The following MSH3 variants were observed in gnomAD, a reference collection of about 807,000 sequenced individuals.
The protein encoded by MSH3 is DNA mismatch repair protein Msh3.
A neutral mutation model predicts 123.3 loss-of-function variants in MSH3; 106 were observed. The observed-to-expected ratio is 0.86, with a 90% CI of 0.73 to 1.01. The LOEUF is 1.01. Among genes scored for constraint, MSH3 ranks in the 50% least tolerant of loss-of-function variants. The pLI is 0.00. For synonymous variants in MSH3, 515 were observed against 481.4 expected (o/e 1.07, Z -0.91); for missense variants, 1,459 against 1,347.6 (o/e 1.08, Z -1.29).
At chr5:80,706,319 G>A (rs185565750) in intron 8 of MSH3, among the ~76,000 whole-genome samples, 2 of 152,230 alleles carry the variant, frequency 1.3e-5, no homozygotes, top group Non-Finnish European at 1.5e-5. Flanking sequence ...TCTTGATTTT[G>A]TGTCAGTGGC....
At chr5:80,782,097 T>C (rs1487029942) in intron 17 of MSH3, among the ~76,000 whole-genome samples, 3 of 152,186 alleles carry the variant, frequency 2.0e-5, no homozygotes, top group Admixed American at 6.5e-5. Flanking sequence ...TTATTGGCCA[T>C]GTGTATATCT....
rs972547684 is a variant in MSH3 at position 80,654,862 on chromosome 5, C to A, written c.135C>A (p.Asp45Glu). ...CCTCCTCCTCCACAGGTGCAGCCGA[C>A]CAGGTGGACCCTGGCGCTGCAGCGG... ...KSTSSSTGAA[D>E]QVDPGAAAAA... The change falls in exon 1 of 24, where the codon GAC becomes GAA. Residue 45 changes from aspartate to glutamate, a missense_variant. Transcript: ENST00000265081. 1 of 1,599,648 alleles carries A rather than the reference C, an allele frequency of 6.3e-7. No individual in the cohort carries two copies. The highest frequency in any genetic ancestry group is 1.1e-5 in the South Asian group (1 of 90,250).
chr5:80,728,440 C>G (rs956074887), intron 9 of MSH3, among the ~76,000 whole-genome samples: 2 of 152,132 alleles, frequency 1.3e-5, no homozygotes, highest in Non-Finnish European at 2.9e-5. Context: ...TATTTAAGTA[C>G]TACGCTGTTA....
At chr5:80,751,699 T>TA (rs1042805925) in intron 12 of MSH3, among the ~76,000 whole-genome samples, 10 of 152,228 alleles carry the variant, frequency 6.6e-5, no homozygotes, top group African/African-American at 2.4e-4. Context: ...GGTCTACCCT[T>TA]ACTGCAGAAT....
At position 80,767,889 on chromosome 5, in the gene MSH3, T is replaced by C. The variant is rs762287403; in HGVS notation, c.1897-44T>C. On this transcript the variant is annotated intron_variant, in intron 13 of 23. Transcript: ENST00000265081. ...AAAAGTCACTAATTAAACTTCATTT[T>C]CATGTATCTTATGCTATTTCATAAA... 1.2e-5 allele frequency: 17 copies of C among 1,454,024 alleles called. No homozygotes were observed. The highest frequency in any genetic ancestry group is 1.6e-5 in the Non-Finnish European group (17 of 1,038,534). The allele number at this position is 1,454,024 out of a possible 1,614,324, so 90.1% of individuals were successfully genotyped here. A position where few individuals can be genotyped will look rare whatever the true frequency, so the allele number is the denominator to read the frequency against.
rs1745049937 is a variant in MSH3 at position 80,813,711 on chromosome 5, C to T, written c.2783C>T (p.Thr928Ile). 6.2e-7 allele frequency: 1 copy of T among 1,614,116 alleles called. No homozygotes were observed. Among genetic ancestry groups the T allele is most frequent in the Non-Finnish European group, 8.5e-7 (1 of 1,180,016 alleles). Reference protein sequence around the residue: ...IGSYVPAEEATIGIVDGIFTR... With the variant: ...IGSYVPAEEAIIGIVDGIFTR... ...TCCTATGTTCCTGCAGAAGAAGCGACAATTGGGATTGTGGATGGCATTTTC... is the reference window on the plus strand; with the variant it reads ...TCCTATGTTCCTGCAGAAGAAGCGATAATTGGGATTGTGGATGGCATTTTC... The change falls in exon 20 of 24, where the codon ACA becomes ATA. Residue 928 changes from threonine (T) to isoleucine (I), a missense_variant. Transcript: ENST00000265081.
Position 80,675,951 on chromosome 5 carries a change from TATAAA to T in MSH3, c.1173+827_1173+831del, listed in dbSNP as rs200374250. 3.7e-3 allele frequency among the ~76,000 whole-genome samples: 570 copies of T among 152,366 alleles called. 2 individuals carry two copies. The highest frequency in any genetic ancestry group is 0.024 in the Middle Eastern group (7 of 294). Reference sequence around the variant, plus strand: ...TTAAAGAGAAATGATAATTGGCTGATATAAAATACCATACTAAATTAATATTAGGA... The same window carrying T: ...TTAAAGAGAAATGATAATTGGCTGATATACCATACTAAATTAATATTAGGA... On this transcript the variant is annotated intron_variant, in intron 7 of 23. Coordinates refer to ENST00000265081, the MANE Select transcript of MSH3 (RefSeq NM_002439.5).
chr5:80,718,270 T>C (rs1160909680), intron 8 of MSH3, among the ~76,000 whole-genome samples: 2 of 152,252 alleles, frequency 1.3e-5, no homozygotes, highest in East Asian at 3.8e-4. Context: ...ATTTTTTAAA[T>C]GTCTTCAAAA....
At position 80,792,802 on chromosome 5, in the gene MSH3, G is replaced by A. The variant is rs2112026792; in HGVS notation, c.2613G>A (p.Leu871=). Residue 871 remains leucine (L), a synonymous_variant, in exon 19 of 24, where the codon CTG becomes CTA. Coordinates refer to ENST00000265081, the MANE Select transcript of MSH3 (RefSeq NM_002439.5). ...NGRHPVIDVL[L]GEQDQYVPNN... is the part of the protein sequence containing the mutation. ...GGCACCCTGTGATTGATGTGTTGCTGGGAGAACAGGATCAATATGTCCCAA... is the reference window on the plus strand; with the variant it reads ...GGCACCCTGTGATTGATGTGTTGCTAGGAGAACAGGATCAATATGTCCCAA... 1 of 1,613,174 alleles carries A rather than the reference G, an allele frequency of 6.2e-7. No individual in the cohort carries two copies. The highest frequency in any genetic ancestry group is 8.5e-7 in the Non-Finnish European group (1 of 1,179,432).
intron 8 of MSH3, among the ~76,000 whole-genome samples, chr5:80,698,799 T>C (rs1014754178): frequency 1.5e-5 from 2 of 136,468 alleles, no homozygotes; most frequent in Non-Finnish European, 3.2e-5. Flanking sequence ...CCGGGGGGCC[T>C]GTTGTGGGGT....
chr5:80,777,000 C>T (rs867147043), intron 16 of MSH3, among the ~76,000 whole-genome samples: 15 of 149,836 alleles, frequency 1.0e-4, no homozygotes, highest in African/African-American at 2.9e-4. Flanking sequence ...GGCGCAATCC[C>T]GGTCTACTGC....
At position 80,772,918 on chromosome 5, in the gene MSH3, G is replaced by T. The variant is rs577924381; in HGVS notation, c.2254-2776G>T. The stretch of plus-strand genomic sequence containing the variant: ...ACCCTGTCTGAGGATGTGACCAGAG[G>T]GGTTTAACTTGTGCCTTCCTGACTC... On this transcript the variant is annotated intron_variant, in intron 15 of 23. Coordinates refer to ENST00000265081, the MANE Select transcript of MSH3 (RefSeq NM_002439.5). Among the ~76,000 whole-genome samples, 6 of 152,254 alleles carry T rather than the reference G, an allele frequency of 3.9e-5. No individual in the cohort carries two copies. The South Asian group carries it at 1.2e-3, about 32-fold the overall frequency.
Position 80,654,860 on chromosome 5 carries a change from G to A in MSH3, c.133G>A (p.Asp45Asn), listed in dbSNP as rs755350309. 2 of 1,603,160 alleles carry A rather than the reference G, an allele frequency of 1.2e-6. No individual in the cohort carries two copies. Among genetic ancestry groups the A allele is most frequent in the Non-Finnish European group, 1.7e-6 (2 of 1,175,904 alleles). Reference sequence around the variant, plus strand: ...CACCTCCTCCTCCACAGGTGCAGCCGACCAGGTGGACCCTGGCGCTGCAGC... The same window carrying A: ...CACCTCCTCCTCCACAGGTGCAGCCAACCAGGTGGACCCTGGCGCTGCAGC... ...KSTSSSTGAADQVDPGAAAAA... is the reference protein window; with the variant it reads ...KSTSSSTGAANQVDPGAAAAA... Residue 45 changes from aspartate (D) to asparagine (N), a missense_variant, in exon 1 of 24, where the codon GAC (aspartate) becomes AAC (asparagine). Coordinates refer to ENST00000265081, the MANE Select transcript of MSH3 (RefSeq NM_002439.5).
chr5:80,720,586 C>T (rs553130488), intron 8 of MSH3, among the ~76,000 whole-genome samples: 44 of 151,986 alleles, frequency 2.9e-4, no homozygotes, highest in South Asian at 6.3e-4. Flanking sequence ...GAGTTCTGCC[C>T]GTTGATTTCT....
intron 9 of MSH3, among the ~76,000 whole-genome samples, chr5:80,727,088 A>G (rs191927049): frequency 1.3e-5 from 2 of 152,326 alleles, no homozygotes; most frequent in East Asian, 1.9e-4. Flanking sequence ...AGTCTCTACA[A>G]AAGACACGCC....
intron 19 of MSH3, among the ~76,000 whole-genome samples, chr5:80,801,524 G>T (rs919947635): frequency 4.1e-4 from 62 of 152,166 alleles, no homozygotes; most frequent in African/African-American, 1.5e-3. Flanking sequence ...CTAAAGCCTT[G>T]AAGTTAGTTC....
chr5:80,671,548 C>G (rs1209826069), intron 4 of MSH3, among the ~76,000 whole-genome samples: 1 of 152,142 alleles, frequency 6.6e-6, no homozygotes. Flanking sequence ...GAGAAACTGT[C>G]TAGGTTAAAC....
intron 8 of MSH3, among the ~76,000 whole-genome samples, chr5:80,722,760 CTATT>C (rs1282309980): frequency 2.0e-5 from 3 of 152,166 alleles, no homozygotes; most frequent in Non-Finnish European, 4.4e-5. Context: ...TGTGATACCT[CTATT>C]TAAGATGTTA....
At chr5:80,858,562 A>G (rs530893476) in intron 21 of MSH3, among the ~76,000 whole-genome samples, 25 of 152,266 alleles carry the variant, frequency 1.6e-4, no homozygotes, top group African/African-American at 6.0e-4. Context: ...CCATTGTGGT[A>G]TGAGATCAAA....
Sources: allele counts gnomAD v4.1 joint callset (sites outside exome capture counted in the v4.1 genomes callset), GRCh38; gene constraint gnomAD v4.1.1; transcripts MANE v1.5; gene names NCBI Gene and HGNC (gene_info 2026-07-23, HGNC 2026-07-21).